ASAP3: variants seen among roughly 807,000 people sequenced by gnomAD.
ASAP3 encodes the protein ArfGAP with SH3 domain, ankyrin repeat and PH domain 3.
A neutral mutation model predicts 118.2 loss-of-function variants in ASAP3; 85 were observed. That is an observed-to-expected ratio of 0.72 (90% CI 0.60 to 0.86). ASAP3 has a LOEUF of 0.86. Among genes scored for constraint, ASAP3 ranks in the 40% least tolerant of loss-of-function variants. The pLI, the probability that ASAP3 is intolerant of heterozygous loss-of-function variation, is 0.00. For synonymous variants in ASAP3, 432 were observed against 477.4 expected (o/e 0.90, Z 1.24); for missense variants, 1,026 against 1,175.0 (o/e 0.87, Z 1.85).
chr1:23,435,817 G>T, intron 17 of ASAP3, 34 bp downstream of exon 17: 1 of 1,613,276 alleles, frequency 6.2e-7, no homozygotes, highest in Non-Finnish European at 8.5e-7. Context: ...TGTTAGACAG[G>T]TGGGTTATAA....
intron 10 of ASAP3, among the ~76,000 whole-genome samples, chr1:23,439,976 A>G (rs958680189): frequency 7.3e-5 from 11 of 151,612 alleles, no homozygotes; most frequent in Non-Finnish European, 1.3e-4. Context: ...CACCATACCC[A>G]GCTAATTTTT....
chr1:23,442,493 C>T lies in ASAP3; in HGVS notation c.585+8G>A. 2 of 1,613,042 alleles carry T rather than the reference C, an allele frequency of 1.2e-6. No individual in the cohort carries two copies. The highest frequency in any genetic ancestry group is 1.7e-6 in the Non-Finnish European group (2 of 1,179,534). ...CGCCCCCCCTCCCTCATCCAGAGCACCCCTTACCTCACACATGTGCAGCTG... is the reference window on the plus strand; with the variant it reads ...CGCCCCCCCTCCCTCATCCAGAGCATCCCTTACCTCACACATGTGCAGCTG... On this transcript the variant is annotated splice_region_variant and intron_variant, in intron 6 of 24. Transcript: ENST00000336689.
At chr1:23,429,964 A>C in intron 24 of ASAP3, 34 bp from the exon 25 acceptor site, 1 of 1,576,132 alleles carries the variant, frequency 6.3e-7, no homozygotes, top group Non-Finnish European at 8.7e-7. Context: ...ACATTTTCAA[A>C]GCACCTGTAA....
chr1:23,469,297 C>A (rs1040339497), intron 1 of ASAP3, among the ~76,000 whole-genome samples: 1 of 152,084 alleles, frequency 6.6e-6, no homozygotes, highest in Admixed American at 6.5e-5. Context: ...CAGAGCGAGA[C>A]CCTATCTCAA....
rs190534255 is a variant in ASAP3, at chr1:23,458,557, G to A, written c.130-2363C>T. 3.0e-4 allele frequency among the ~76,000 whole-genome samples: 45 copies of A among 152,136 alleles called. No homozygotes were observed. In the East Asian group the frequency reaches 6.8e-3, roughly 23 times the overall value. On this transcript the variant is annotated intron_variant, in intron 1 of 24. Transcript: ENST00000336689. ...CAAAACTGCAGTGAGCCCTGATTGCGCCACTGCACTCCAGCATGGGTGACA... is the reference window on the plus strand; with the variant it reads ...CAAAACTGCAGTGAGCCCTGATTGCACCACTGCACTCCAGCATGGGTGACA...
chr1:23,434,962 C>T (rs1640585675), intron 17 of ASAP3, among the ~76,000 whole-genome samples: 1 of 152,188 alleles, frequency 6.6e-6, no homozygotes, highest in Admixed American at 6.5e-5. Flanking sequence ...AAATTCTTAC[C>T]TCACCTAAGT....
At chr1:23,430,998 G>A in intron 24 of ASAP3, 37 bp downstream of exon 24, 1 of 1,495,756 alleles carries the variant, frequency 6.7e-7, no homozygotes, top group Non-Finnish European at 8.9e-7. Flanking sequence ...CAGGCACCCT[G>A]CCACCGCCCC....
At chr1:23,448,272 C>T (rs1641108438) in intron 5 of ASAP3, among the ~76,000 whole-genome samples, 1 of 152,188 alleles carries the variant, frequency 6.6e-6, no homozygotes, top group Non-Finnish European at 1.5e-5. Flanking sequence ...CACACACCCA[C>T]CAACCTTGAA....
Position 23,477,429 on chromosome 1 carries a change from G to A in ASAP3, c.129+6576C>T, listed in dbSNP as rs188701540. Among the ~76,000 whole-genome samples the A allele has an allele frequency of 7.5e-4, 113 of 149,862 alleles. 1 individual carries two copies. The highest frequency in any genetic ancestry group is 1.4e-3 in the Non-Finnish European group (94 of 67,612). Reference sequence around the variant, plus strand: ...TGTTCCTTGGTGATGAGGGGCACACGTGGAGGTGAGAGGTCGCACCACTCA... The same window carrying A: ...TGTTCCTTGGTGATGAGGGGCACACATGGAGGTGAGAGGTCGCACCACTCA... On this transcript the variant is annotated intron_variant, in intron 1 of 24. Transcript: ENST00000336689.
rs1570335376 is a variant in ASAP3 at position 23,436,659 on chromosome 1, A to C, written c.1477-5T>G. The stretch of plus-strand genomic sequence containing the variant: ...GTTTCCCATGTTCAAGGCCAGCTGG[A>C]GTCGTAGGAAAATAGACGTGGGGCG... On this transcript the variant is annotated splice_region_variant and splice_polypyrimidine_tract_variant and intron_variant, in intron 15 of 24. Coordinates refer to ENST00000336689, the MANE Select transcript of ASAP3 (RefSeq NM_017707.4). The surrounding 1 kb of genome is among the most constrained non-coding windows in gnomAD (Gnocchi z 4.2). 6.2e-7 allele frequency: 1 copy of C among 1,614,182 alleles called. No individual in the cohort carries two copies. The highest frequency in any genetic ancestry group is 8.5e-7 in the Non-Finnish European group (1 of 1,180,020).
Position 23,433,142 on chromosome 1 carries a change from G to C in ASAP3, c.2258C>G (p.Pro753Arg). The C allele has an allele frequency of 1.2e-5, 19 of 1,614,134 alleles. No individual in the cohort carries two copies. Among genetic ancestry groups the C allele is most frequent in the Non-Finnish European group, 1.6e-5 (19 of 1,180,028 alleles). Residue 753 changes from proline to arginine, a missense_variant, in exon 22 of 25, where the codon CCG (proline) becomes CGG (arginine). Coordinates refer to ENST00000336689, the MANE Select transcript of ASAP3 (RefSeq NM_017707.4). ...TPQGESEDCP[P>R]PLPVKNSSRT... ...AGAAGAGTTTTTGACTGGCAAGGGCGGGGGACAGTCCTCACTCTCGCCCTG... is the reference window on the plus strand; with the variant it reads ...AGAAGAGTTTTTGACTGGCAAGGGCCGGGGACAGTCCTCACTCTCGCCCTG...
At chr1:23,434,647 C>T (rs754672527) in intron 17 of ASAP3, 29 bp from the exon 18 acceptor site, 2 of 1,540,426 alleles carry the variant, frequency 1.3e-6, no homozygotes, top group Non-Finnish European at 1.7e-6. Flanking sequence ...CTCTGAGATT[C>T]CCCCCCCAGT....
In ASAP3 at chr1:23,431,041, G is replaced by C. The variant is rs532640961; in HGVS notation, c.2631C>G (p.Asn877Lys). ...ATGGTCCCAGAGTTCCTACCGGCACGTTCCTTCTGGGCAGAGGCTGCCTGG... is the reference window on the plus strand; with the variant it reads ...ATGGTCCCAGAGTTCCTACCGGCACCTTCCTTCTGGGCAGAGGCTGCCTGG... ...PSARQPLPRR[N>K]VPVGITEGDG... The change falls in exon 24 of 25, where the codon AAC becomes AAG. Residue 877 changes from asparagine (N) to lysine (K), a missense_variant. Coordinates refer to ENST00000336689, the MANE Select transcript of ASAP3 (RefSeq NM_017707.4). 7 of 1,581,992 alleles carry C rather than the reference G, an allele frequency of 4.4e-6. No homozygotes were observed. Among genetic ancestry groups the C allele is most frequent in the Non-Finnish European group, 5.1e-6 (6 of 1,165,686 alleles).
intron 1 of ASAP3, among the ~76,000 whole-genome samples, chr1:23,483,723 T>A (rs919066791): frequency 2.6e-5 from 4 of 152,112 alleles, no homozygotes; most frequent in African/African-American, 9.7e-5. Flanking sequence ...CAAACACATA[T>A]GTGATGAGGC....
In ASAP3 at chr1:23,464,733, T is replaced by A. The variant is rs149289596; in HGVS notation, c.130-8539A>T. Among the ~76,000 whole-genome samples the A allele has an allele frequency of 4.4e-4, 60 of 135,652 alleles. No homozygotes were observed. In the East Asian group the frequency reaches 0.013, roughly 29 times the overall value. The allele number at this position is 135,652 out of a possible 152,430, so 89.0% of individuals were successfully genotyped here. On this transcript the variant is annotated intron_variant, in intron 1 of 24. Transcript: ENST00000336689. ...TCAGGTGGGCCCATTTAATCCCTGA[T>A]AGTCAGAGATTCTCAAGGTGGGGGC... is the stretch of plus-strand genomic sequence containing the variant.
chr1:23,448,424 C>T lies in ASAP3; in HGVS notation c.473+3055G>A, dbSNP rs549759429. Among the ~76,000 whole-genome samples, 10 of 152,246 alleles carry T rather than the reference C, an allele frequency of 6.6e-5. No homozygotes were observed. The East Asian group carries it at 1.9e-3, about 29-fold the overall frequency. On this transcript the variant is annotated intron_variant, in intron 5 of 24. Transcript: ENST00000336689. ...ACTCCACTGCCTGGCACAAAGGAAACTCTAAAGTAGAAGCTGCTATTATTA... is the reference window on the plus strand; with the variant it reads ...ACTCCACTGCCTGGCACAAAGGAAATTCTAAAGTAGAAGCTGCTATTATTA...
chr1:23,456,021 C>T lies in ASAP3; in HGVS notation c.208G>A (p.Val70Met). The change falls in exon 3 of 25, where the codon GTG becomes ATG. Residue 70 changes from valine (V) to methionine (M), a missense_variant. By Grantham distance (21) the Val-to-Met change is conservative. Transcript: ENST00000336689. ...RAIHSSGLGH[V>M]ENEEQYREAV... The stretch of plus-strand genomic sequence containing the variant: ...TCTCGGTACTGCTCTTCATTCTCCA[C>T]ATGGCCTGTGGAGGTACAGACGGGA... The T allele has an allele frequency of 6.2e-7, 1 of 1,614,128 alleles. No homozygotes were observed. The highest frequency in any genetic ancestry group is 8.5e-7 in the Non-Finnish European group (1 of 1,179,990).
intron 4 of ASAP3, among the ~76,000 whole-genome samples, chr1:23,451,898 T>C (rs1332535294): frequency 6.6e-6 from 1 of 151,908 alleles, no homozygotes; most frequent in African/African-American, 2.4e-5. Context: ...AAGGCCAAAT[T>C]CCCCCTGCCT....
chr1:23,461,759 G>A (rs1046083555), intron 1 of ASAP3, among the ~76,000 whole-genome samples: 1 of 152,192 alleles, frequency 6.6e-6, no homozygotes, highest in East Asian at 1.9e-4. Flanking sequence ...TGCTGGCGAT[G>A]TCTAGAGCTC....
Sources: gnomAD v4.1 joint callset for allele counts (sites outside exome capture counted in the v4.1 genomes callset) on GRCh38, gnomAD v4.1.1 for gene constraint, Gnocchi (gnomAD v3.1) non-coding constraint, MANE v1.5 for transcripts, NCBI Gene and HGNC (gene_info 2026-07-23, HGNC 2026-07-21) for gene names.